COQ5: variants seen among roughly 807,000 people sequenced by gnomAD.
COQ5 encodes coenzyme Q5, methyltransferase.
COQ5 carries 27 observed loss-of-function variants against 40.5 expected under a neutral mutation model. The ratio of observed to expected loss-of-function variants is 0.67; its 90% CI spans 0.49 to 0.92. The LOEUF (loss-of-function observed/expected upper bound fraction) is 0.92, where lower values mean the gene tolerates loss of function less well. Ranked by LOEUF, COQ5 falls within the 40% of genes least tolerant of loss-of-function variation. COQ5 has a pLI of 0.00. For missense variants in COQ5, 409 were observed against 406.4 expected (o/e 1.01, Z -0.06); for synonymous variants, 141 against 150.0 (o/e 0.94, Z 0.44).
chr12:120,510,746 CTGGTTTTAT>C (rs1267472872), intron 3 of COQ5, among the ~76,000 whole-genome samples: 2 of 152,092 alleles, frequency 1.3e-5, no homozygotes, highest in African/African-American at 2.4e-5. Flanking sequence ...CAGAGTTTTA[CTGGTTTTAT>C]TGGAATCATA....
Position 120,516,620 on chromosome 12 carries a change from T to G in COQ5, c.521A>C (p.Lys174Thr). ...GSRVVVCDIN[K>T]EMLKVGKQKA... Reference sequence around the variant, plus strand: ...CTGCTTTCCAACCTTTAGCATCTCCTTGTTGATGTCACACACCACGACACG... The same window carrying G: ...CTGCTTTCCAACCTTTAGCATCTCCGTGTTGATGTCACACACCACGACACG... Residue 174 changes from lysine (K) to threonine (T), a missense_variant, in exon 3 of 7, where the codon AAG becomes ACG. Coordinates refer to ENST00000288532, the MANE Select transcript of COQ5 (RefSeq NM_032314.4). 6.2e-7 allele frequency: 1 copy of G among 1,614,230 alleles called. No homozygotes were observed.
intron 3 of COQ5, among the ~76,000 whole-genome samples, chr12:120,513,863 C>T (rs984867627): frequency 1.3e-5 from 2 of 151,968 alleles, no homozygotes; most frequent in Non-Finnish European, 2.9e-5. Context: ...TAGGGTCCTC[C>T]TACTTAGTTT....
At chr12:120,505,628 C>T (rs1475699001) in intron 4 of COQ5, among the ~76,000 whole-genome samples, 2 of 151,962 alleles carry the variant, frequency 1.3e-5, no homozygotes, top group African/African-American at 4.8e-5. Flanking sequence ...ATGATCTCGG[C>T]TCACCACAAC....
chr12:120,518,606 C>T (rs1286086717), intron 2 of COQ5, among the ~76,000 whole-genome samples: 1 of 151,574 alleles, frequency 6.6e-6, no homozygotes, highest in Non-Finnish European at 1.5e-5. Context: ...CGCTCTATTC[C>T]CAGGCTAGAG....
At chr12:120,511,066 C>G (rs1391778429) in intron 3 of COQ5, among the ~76,000 whole-genome samples, 1 of 151,574 alleles carries the variant, frequency 6.6e-6, no homozygotes, top group East Asian at 1.9e-4. Context: ...GTCAGGAGAT[C>G]GAAACATGGT....
At chr12:120,510,482 A>G (rs1593016053) in intron 3 of COQ5, among the ~76,000 whole-genome samples, 5 of 152,026 alleles carry the variant, frequency 3.3e-5, no homozygotes, top group Admixed American at 3.3e-4. Flanking sequence ...GCTAGTTTTT[A>G]AAAATTTCTT....
intron 4 of COQ5, among the ~76,000 whole-genome samples, chr12:120,506,411 G>C: frequency 6.6e-6 from 1 of 150,896 alleles, no homozygotes; most frequent in Non-Finnish European, 1.5e-5. Context: ...CTGTCACCCA[G>C]TCTGGAGTGC....
chr12:120,514,396 C>G (rs1013299520), intron 3 of COQ5, among the ~76,000 whole-genome samples: 2 of 152,042 alleles, frequency 1.3e-5, no homozygotes, highest in African/African-American at 4.8e-5. Context: ...CTGCCCCTCA[C>G]AGTGGCCATC....
intron 4 of COQ5, among the ~76,000 whole-genome samples, chr12:120,508,552 AG>A (rs1297649680): frequency 6.6e-5 from 10 of 152,226 alleles, no homozygotes; most frequent in Admixed American, 5.9e-4. Flanking sequence ...AGGAAAAAAA[AG>A]AAATATCAAT....
Position 120,504,944 on chromosome 12 carries a change from GTCC to G in COQ5, c.718_720del (p.Gly240del). The stretch of plus-strand genomic sequence containing the variant: ...TGGCTAAATTCCAGACAGAGAAACC[GTCC>G]TCCTGGTTTCAGCACCCGATGAGCT... On this transcript the variant is annotated inframe_deletion, in exon 5 of 7. Coordinates refer to ENST00000288532, the MANE Select transcript of COQ5 (RefSeq NM_032314.4). 3.1e-6 allele frequency: 5 copies of G among 1,614,098 alleles called. No homozygotes were observed. The highest frequency in any genetic ancestry group is 4.2e-6 in the Non-Finnish European group (5 of 1,180,022).
chr12:120,526,609 TAGAA>T (rs1869954563), intron 1 of COQ5: 4 of 307,082 alleles, frequency 1.3e-5, no homozygotes, highest in South Asian at 1.1e-4. Context: ...GATAAAAACT[TAGAA>T]AGAAATATGG....
chr12:120,511,261 A>AT, intron 3 of COQ5, among the ~76,000 whole-genome samples: 1 of 151,624 alleles, frequency 6.6e-6, no homozygotes, highest in African/African-American at 2.4e-5. Context: ...TGTCTCAAAA[A>AT]AAAAAAAAAA....
intron 3 of COQ5, 78 bp from the exon 4 acceptor site, chr12:120,510,201 G>A: frequency 8.6e-7 from 1 of 1,161,424 alleles, no homozygotes; most frequent in Non-Finnish European, 1.3e-6. Context: ...TTCATGTAGA[G>A]CATTGAGCTG....
intron 2 of COQ5, among the ~76,000 whole-genome samples, chr12:120,520,075 C>A (rs898605616): frequency 6.6e-6 from 1 of 151,610 alleles, no homozygotes; most frequent in African/African-American, 2.4e-5. Flanking sequence ...TTATACATTA[C>A]TCTATCGTTA....
At chr12:120,505,185 TAGAC>T in intron 4 of COQ5, among the ~76,000 whole-genome samples, 1 of 152,184 alleles carries the variant, frequency 6.6e-6, no homozygotes, top group Non-Finnish European at 1.5e-5. Context: ...TGCCGGTGAC[TAGAC>T]AAAGTTAGCT....
At chr12:120,507,362 A>G (rs9668213) in intron 4 of COQ5, among the ~76,000 whole-genome samples, 119,646 of 150,462 alleles carry the variant, frequency 0.8, 47,892 homozygotes, top group Admixed American at 0.85. Flanking sequence ...TCAACTCACC[A>G]CAACCTCTGC....
intron 4 of COQ5, among the ~76,000 whole-genome samples, chr12:120,508,148 G>A (rs984495208): frequency 5.3e-5 from 8 of 151,638 alleles, no homozygotes; most frequent in African/African-American, 7.3e-5. Flanking sequence ...GGTTCGTGCC[G>A]CCACGCCCAG....
intron 2 of COQ5, among the ~76,000 whole-genome samples, chr12:120,519,511 G>A (rs1157694891): frequency 6.6e-6 from 1 of 151,816 alleles, no homozygotes; most frequent in Admixed American, 6.6e-5. Flanking sequence ...AGTGTGCCGA[G>A]ATCATGCCAT....
In COQ5 at chr12:120,528,978, C is replaced by A. The variant is rs1197452539; in HGVS notation, c.164G>T (p.Gly55Val). Residue 55 changes from glycine (G) to valine (V), a missense_variant, in exon 1 of 7, where the codon GGG becomes GTG. Gly to Val is a moderately radical substitution (Grantham distance 109). Coordinates refer to ENST00000288532, the MANE Select transcript of COQ5 (RefSeq NM_032314.4). ...QEKRAAETHF[G>V]FETVSEEEKG... ...CTCCTCTTCCGACACAGTCTCAAAC[C>A]CAAAGTGCGTTTCCGCTGCCCGCTT... 6.2e-7 allele frequency: 1 copy of A among 1,614,002 alleles called. No individual in the cohort carries two copies. Among genetic ancestry groups the A allele is most frequent in the Non-Finnish European group, 8.5e-7 (1 of 1,180,032 alleles).
Sources: allele counts gnomAD v4.1 joint callset (sites outside exome capture counted in the v4.1 genomes callset), GRCh38; gene constraint gnomAD v4.1.1; transcripts MANE v1.5; gene names NCBI Gene and HGNC (gene_info 2026-07-23, HGNC 2026-07-21).